CAMKV: variants seen among roughly 807,000 people sequenced by gnomAD.
CAMKV encodes the protein CaM kinase like vesicle associated, also known as caM kinase-like vesicle-associated protein.
CAMKV carries 5 observed loss-of-function variants against 50.2 expected under a neutral mutation model. That is an observed-to-expected ratio of 0.10 (90% CI 0.05 to 0.21). CAMKV has a LOEUF of 0.21. CAMKV is among the 10% of genes least tolerant of loss of function. The pLI is 1.00. For missense variants in CAMKV, 361 were observed against 650.5 expected (o/e 0.55, Z 4.84); for synonymous variants, 229 against 250.1 (o/e 0.92, Z 0.80).
intron 1 of CAMKV, among the ~76,000 whole-genome samples, chr3:49,866,099 A>ATTC (rs2082063381): frequency 6.6e-6 from 1 of 150,506 alleles, no homozygotes; most frequent in Admixed American, 6.6e-5. Flanking sequence ...TCAGCCAGTC[A>ATTC]CTCCTCCTCC....
Position 49,860,812 on chromosome 3 carries a change from C to T in CAMKV, c.679G>A (p.Asp227Asn), listed in dbSNP as rs1199285295. The T allele has an allele frequency of 1.9e-6, 3 of 1,614,032 alleles. No individual in the cohort carries two copies. Among genetic ancestry groups the T allele is most frequent in the East Asian group, 2.2e-5 (1 of 44,894 alleles). ...TTCTTATCATGGTTCTCATAATCAT[C>T]TTCTTCCACCTCCTCATAGAAAGGT... ...NPPFYEEVEE[D>N]DYENHDKNLF... is the part of the protein sequence containing the mutation. The change falls in exon 8 of 11, where the codon GAT becomes AAT. Residue 227 changes from aspartate (D) to asparagine (N), a missense_variant. By Grantham distance (23) the Asp-to-Asn change is conservative. Coordinates refer to ENST00000477224, the MANE Select transcript of CAMKV (RefSeq NM_024046.5). The surrounding 1 kb of genome is among the most constrained non-coding windows in gnomAD (Gnocchi z 6.1).
chr3:49,859,816 T>C lies in CAMKV; in HGVS notation c.1008A>G (p.Ala336=). 6.5e-7 allele frequency: 1 copy of C among 1,544,254 alleles called. No individual in the cohort carries two copies. Among genetic ancestry groups the C allele is most frequent in the Non-Finnish European group, 8.7e-7 (1 of 1,149,706 alleles). The change falls in exon 11 of 11, where the codon GCA becomes GCG. Residue 336 remains alanine, a synonymous_variant. Coordinates refer to ENST00000477224, the MANE Select transcript of CAMKV (RefSeq NM_024046.5). The surrounding 1 kb of genome is among the most constrained non-coding windows in gnomAD (Gnocchi z 5.5). ...TGTCTGTGGCTGAGGCCGACTGGGC[T>C]GCAGCCGTGCTGGACTGCTCTGGTG... is the stretch of plus-strand genomic sequence containing the variant. ...LRAPEQSSTA[A]AQSASATDTA...
At chr3:49,868,974 A>AAAC (rs2082085916) in intron 1 of CAMKV, among the ~76,000 whole-genome samples, 1 of 152,160 alleles carries the variant, frequency 6.6e-6, no homozygotes, top group Non-Finnish European at 1.5e-5. Flanking sequence ...GGTCTCTGCC[A>AAAC]AACAGTACAA....
At position 49,862,435 on chromosome 3, in the gene CAMKV, C is replaced by T. The variant is rs61497604; in HGVS notation, c.-14-33G>A. 10,374 of 1,560,982 alleles carry T rather than the reference C, an allele frequency of 6.6e-3. 594 individuals carry two copies. The African/African-American group carries it at 0.12, about 19-fold the overall frequency. On this transcript the variant is annotated intron_variant, in intron 1 of 10. Transcript: ENST00000477224. This position sits in a 1 kb window ranked among gnomAD's most constrained non-coding sequence, Gnocchi z 5.2. ...CACAATGGGGTCTGGCTTAGCTGTA[C>T]TACTCTCCACTTCCCCACAACATAG...
At position 49,861,672 on chromosome 3, in the gene CAMKV, C is replaced by A. The variant is rs1289632831; in HGVS notation, c.303-95G>T. The A allele has an allele frequency of 1.1e-5, 17 of 1,599,630 alleles. No individual in the cohort carries two copies. Among genetic ancestry groups the A allele is most frequent in the African/African-American group, 4.0e-5 (3 of 74,524 alleles). ...TGCCTACGCCAGGCAGCTGGCTGAG[C>A]AAGGCACAGGGACCTGGGACGCCAA... On this transcript the variant is annotated intron_variant, in intron 4 of 10. Coordinates refer to ENST00000477224, the MANE Select transcript of CAMKV (RefSeq NM_024046.5). This position sits in a 1 kb window ranked among gnomAD's most constrained non-coding sequence, Gnocchi z 7.7.
rs1320653712 is a variant in CAMKV at position 49,858,023 on chromosome 3, G to A, written c.*1295C>T. On this transcript the variant is annotated 3_prime_UTR_variant, in exon 11 of 11. Transcript: ENST00000477224. ...GGGTGATGTTTATTTGCCAGGTTCA[G>A]TAGGCACACAGTTAACCCACCGACC... The A allele has an allele frequency of 1.3e-5, 5 of 376,750 alleles. No individual in the cohort carries two copies. Among genetic ancestry groups the A allele is most frequent in the African/African-American group, 1.0e-4 (5 of 48,198 alleles). 23.3% of individuals were successfully genotyped at this position (376,750 alleles called of 1,614,324 possible).
At position 49,860,821 on chromosome 3, in the gene CAMKV, C is replaced by T; in HGVS notation, c.670G>A (p.Val224Met). ...TGGTTCTCATAATCATCTTCTTCCACCTCCTCATAGAAAGGTGGATTGCCT... is the reference window on the plus strand; with the variant it reads ...TGGTTCTCATAATCATCTTCTTCCATCTCCTCATAGAAAGGTGGATTGCCT... The part of the protein sequence containing the change: ...LSGNPPFYEE[V>M]EEDDYENHDK... Residue 224 changes from valine to methionine, a missense_variant, in exon 8 of 11, where the codon GTG (valine) becomes ATG (methionine). By Grantham distance (21) the Val-to-Met change is conservative. This residue lies in a region of CAMKV where 172 missense variants were observed against 414.3 expected (regional missense o/e 0.42). Transcript: ENST00000477224. This position sits in a 1 kb window ranked among gnomAD's most constrained non-coding sequence, Gnocchi z 6.1. 6.2e-7 allele frequency: 1 copy of T among 1,614,132 alleles called. No individual in the cohort carries two copies. Among genetic ancestry groups the T allele is most frequent in the African/African-American group, 1.3e-5 (1 of 75,008 alleles).
At chr3:49,863,962 G>T (rs541544341) in intron 1 of CAMKV, among the ~76,000 whole-genome samples, 1 of 152,218 alleles carries the variant, frequency 6.6e-6, no homozygotes, top group Admixed American at 6.5e-5. Context: ...TACCTGGCTT[G>T]GGTAAATTTT....
In CAMKV at chr3:49,860,617, G is replaced by A. The variant is rs1316691361; in HGVS notation, c.776-68C>T. 1.9e-6 allele frequency: 3 copies of A among 1,610,560 alleles called. No homozygotes were observed. The highest frequency in any genetic ancestry group is 4.5e-5 in the East Asian group (2 of 44,862). On this transcript the variant is annotated intron_variant, in intron 8 of 10. Coordinates refer to ENST00000477224, the MANE Select transcript of CAMKV (RefSeq NM_024046.5). The surrounding 1 kb of genome is among the most constrained non-coding windows in gnomAD (Gnocchi z 6.1). ...CTCAATGTCTAGAGGTGATAAATGG[G>A]CTGGGGGACAGAAGCAGAATACCAC...
intron 1 of CAMKV, among the ~76,000 whole-genome samples, chr3:49,865,178 C>G (rs1273036283): frequency 1.3e-5 from 2 of 152,236 alleles, no homozygotes; most frequent in African/African-American, 4.8e-5. Flanking sequence ...TGTCTGCCAC[C>G]ATGGGCACAA....
At position 49,860,316 on chromosome 3, in the gene CAMKV, C is replaced by T; in HGVS notation, c.855-58G>A. On this transcript the variant is annotated intron_variant, in intron 9 of 10. Coordinates refer to ENST00000477224, the MANE Select transcript of CAMKV (RefSeq NM_024046.5). The surrounding 1 kb of genome is among the most constrained non-coding windows in gnomAD (Gnocchi z 6.1). Reference sequence around the variant, plus strand: ...AGAATGAGCCTTTGTGGAGACTCTGCTCAGCCCTTCTATGTGGCATCCAGG... The same window carrying T: ...AGAATGAGCCTTTGTGGAGACTCTGTTCAGCCCTTCTATGTGGCATCCAGG... 1 of 1,572,244 alleles carries T rather than the reference C, an allele frequency of 6.4e-7. No homozygotes were observed. The highest frequency in any genetic ancestry group is 8.8e-7 in the Non-Finnish European group (1 of 1,142,330).
Position 49,860,464 on chromosome 3 carries a change from T to G in CAMKV, c.854+7A>C. On this transcript the variant is annotated splice_region_variant and intron_variant, in intron 9 of 10. Transcript: ENST00000477224. The surrounding 1 kb of genome is among the most constrained non-coding windows in gnomAD (Gnocchi z 6.1). ...GCCTCTCCCACCCTCCCCTGGACCC[T>G]GCTCACCACTCATGGGAGATGGCCT... 2.6e-6 allele frequency: 4 copies of G among 1,555,390 alleles called. No homozygotes were observed. The highest frequency in any genetic ancestry group is 3.5e-6 in the Non-Finnish European group (4 of 1,135,040).
Position 49,862,300 on chromosome 3 carries a change from A to G in CAMKV, c.89T>C (p.Ile30Thr). ...VTDRYDLGQV[I>T]KTEEFCEIFR... is the part of the protein sequence containing the mutation. ...TGACAGGCCCGGCACTCACGTCTTG[A>G]TGACCTGTCCCAAATCATATCTGTC... is the stretch of plus-strand genomic sequence containing the variant. The change falls in exon 2 of 11, where the codon ATC becomes ACC. Residue 30 changes from isoleucine (I) to threonine (T), a missense_variant. Physicochemically the swap from Ile to Thr is moderately conservative, Grantham distance 89. Coordinates refer to ENST00000477224, the MANE Select transcript of CAMKV (RefSeq NM_024046.5). The surrounding 1 kb of genome is among the most constrained non-coding windows in gnomAD (Gnocchi z 5.2). 6.2e-7 allele frequency: 1 copy of G among 1,614,156 alleles called. No individual in the cohort carries two copies. The highest frequency in any genetic ancestry group is 8.5e-7 in the Non-Finnish European group (1 of 1,180,032).
chr3:49,861,062 C>T lies in CAMKV; in HGVS notation c.563-44G>A, dbSNP rs1183849660. 6.2e-7 allele frequency: 1 copy of T among 1,612,678 alleles called. No homozygotes were observed. Among genetic ancestry groups the T allele is most frequent in the Middle Eastern group, 1.7e-4 (1 of 6,060 alleles). On this transcript the variant is annotated intron_variant, in intron 6 of 10. Transcript: ENST00000477224. This position sits in a 1 kb window ranked among gnomAD's most constrained non-coding sequence, Gnocchi z 7.7. ...TCTGCTGGTCAGTATCAGGCCTAGC[C>T]AGGTCCAGTACCATCCACACCAGCT...
Position 49,862,326 on chromosome 3 carries a change from A to G in CAMKV, c.63T>C (p.Thr21=). The G allele has an allele frequency of 1.2e-6, 2 of 1,614,198 alleles. No homozygotes were observed. Among genetic ancestry groups the G allele is most frequent in the Non-Finnish European group, 1.7e-6 (2 of 1,180,040 alleles). ...TGACCTGTCCCAAATCATATCTGTCAGTCACCTCCGATGGCTGGTTATAGT... is the reference window on the plus strand; with the variant it reads ...TGACCTGTCCCAAATCATATCTGTCGGTCACCTCCGATGGCTGGTTATAGT... ...KKNYNQPSEV[T]DRYDLGQVIK... Residue 21 remains threonine, a synonymous_variant, in exon 2 of 11, where the codon ACT becomes ACC. Coordinates refer to ENST00000477224, the MANE Select transcript of CAMKV (RefSeq NM_024046.5). The surrounding 1 kb of genome is among the most constrained non-coding windows in gnomAD (Gnocchi z 5.2).
rs1251987183 is a variant in CAMKV at position 49,861,275 on chromosome 3, C to T, written c.467G>A (p.Arg156Gln). 6.2e-7 allele frequency: 1 copy of T among 1,614,098 alleles called. No homozygotes were observed. Among genetic ancestry groups the T allele is most frequent in the Middle Eastern group, 1.6e-4 (1 of 6,062 alleles). The change falls in exon 6 of 11, where the codon CGG (arginine) becomes CAG (glutamine). Residue 156 changes from arginine (R) to glutamine (Q), a missense_variant. This residue lies in a region of CAMKV where 172 missense variants were observed against 414.3 expected (regional missense o/e 0.42). Transcript: ENST00000477224. The surrounding 1 kb of genome is among the most constrained non-coding windows in gnomAD (Gnocchi z 7.7). ...GATGACAATCTTCGAGTTCTTCAGCCGGTTGTAGTAAACCAGGTTCTCCAG... is the reference window on the plus strand; with the variant it reads ...GATGACAATCTTCGAGTTCTTCAGCTGGTTGTAGTAAACCAGGTTCTCCAG... ...LKLENLVYYN[R>Q]LKNSKIVISD...
chr3:49,868,796 G>A (rs2082084448), intron 1 of CAMKV, among the ~76,000 whole-genome samples: 1 of 152,150 alleles, frequency 6.6e-6, no homozygotes, highest in South Asian at 2.1e-4. Flanking sequence ...GGGGGTAAGG[G>A]GAGTACAGCA....
chr3:49,865,435 A>G (rs984960786), intron 1 of CAMKV, among the ~76,000 whole-genome samples: 2 of 152,076 alleles, frequency 1.3e-5, no homozygotes, highest in African/African-American at 2.4e-5. Flanking sequence ...TGCTTACACC[A>G]TTCCCTCTGG....
intron 1 of CAMKV, among the ~76,000 whole-genome samples, chr3:49,865,198 C>T (rs2082054635): frequency 6.6e-6 from 1 of 152,198 alleles, no homozygotes; most frequent in African/African-American, 2.4e-5. Flanking sequence ...ACCCTGCACT[C>T]CTCCACTGGG....
Sources: gnomAD v4.1 joint callset for allele counts (sites outside exome capture counted in the v4.1 genomes callset) on GRCh38, gnomAD v4.1.1 for gene constraint, gnomAD v4.1.1 regional missense constraint, Gnocchi (gnomAD v3.1) non-coding constraint, MANE v1.5 for transcripts, NCBI Gene and HGNC (gene_info 2026-07-23, HGNC 2026-07-21) for gene names.